TSPAN15: variants seen among roughly 807,000 people sequenced by gnomAD.
The protein encoded by TSPAN15 is tetraspanin 15.
TSPAN15 carries 20 observed loss-of-function variants against 34.5 expected under a neutral mutation model. That is an observed-to-expected ratio of 0.58 (90% CI 0.41 to 0.84). TSPAN15 has a LOEUF of 0.84. TSPAN15 is among the 40% of genes least tolerant of loss of function. The pLI is 0.00. For synonymous variants in TSPAN15, 155 were observed against 153.9 expected (o/e 1.01, Z -0.05); for missense variants, 313 against 386.1 (o/e 0.81, Z 1.59).
At chr10:69,483,418 T>C (rs900531903) in intron 1 of TSPAN15, among the ~76,000 whole-genome samples, 1 of 152,220 alleles carries the variant, frequency 6.6e-6, no homozygotes, top group African/African-American at 2.4e-5. Flanking sequence ...ACCAGTCATA[T>C]TGGATTAGGG....
rs993936996 is a variant in TSPAN15, at chr10:69,468,813, A to G, written c.97-14878A>G. On this transcript the variant is annotated intron_variant, in intron 1 of 7. Coordinates refer to ENST00000373290, the MANE Select transcript of TSPAN15 (RefSeq NM_012339.5). The stretch of plus-strand genomic sequence containing the variant: ...GAAATCAAACTTTTCAGTCCTATAT[A>G]CAGGCCACATTTCTTATGACATTCC... Among the ~76,000 whole-genome samples the G allele has an allele frequency of 5.3e-5, 8 of 152,170 alleles. No homozygotes were observed. The South Asian group carries it at 1.0e-3, about 20-fold the overall frequency.
the TSPAN15 span, among the ~76,000 whole-genome samples, chr10:69,521,355 C>A: frequency 4.8e-5 from 7 of 146,666 alleles, 1 homozygote; most frequent in Non-Finnish European, 9.0e-5. Flanking sequence ...ACTAAAAATA[C>A]AAAAATTAGC....
At chr10:69,523,325 G>A in the TSPAN15 span, 1 of 500,812 alleles carries the variant, frequency 2.0e-6, no homozygotes, top group Non-Finnish European at 3.6e-6. Context: ...GCCAAAGAAA[G>A]CCAGCCCAAG....
chr10:69,458,884 C>G (rs1006294115), intron 1 of TSPAN15, among the ~76,000 whole-genome samples: 2 of 152,134 alleles, frequency 1.3e-5, no homozygotes, highest in Non-Finnish European at 2.9e-5. Flanking sequence ...GACCTTGCTG[C>G]CTTTGGGTTG....
chr10:69,469,934 A>G (rs532892742), intron 1 of TSPAN15, among the ~76,000 whole-genome samples: 1 of 152,184 alleles, frequency 6.6e-6, no homozygotes, highest in East Asian at 1.9e-4. Context: ...TACGACACCC[A>G]GCTGGTCTCT....
At chr10:69,523,055 T>C in the TSPAN15 span, among the ~76,000 whole-genome samples, 1 of 148,100 alleles carries the variant, frequency 6.8e-6, no homozygotes, top group African/African-American at 2.5e-5. Flanking sequence ...GTTTTAGCTC[T>C]TACATTTAGG....
At chr10:69,465,266 A>T (rs1841359403) in intron 1 of TSPAN15, among the ~76,000 whole-genome samples, 1 of 152,168 alleles carries the variant, frequency 6.6e-6, no homozygotes, top group Non-Finnish European at 1.5e-5. Flanking sequence ...CTAGGTGGGT[A>T]GACTCATGTT....
At chr10:69,518,525 G>A in the TSPAN15 span, among the ~76,000 whole-genome samples, 3 of 152,330 alleles carry the variant, frequency 2.0e-5, no homozygotes, top group South Asian at 6.2e-4. Flanking sequence ...GTGGGTTCAA[G>A]CGATCCTTCT....
chr10:69,458,890 G>A (rs17490626), intron 1 of TSPAN15, among the ~76,000 whole-genome samples: 1 of 152,008 alleles, frequency 6.6e-6, no homozygotes, highest in Admixed American at 6.6e-5. Flanking sequence ...GCTGCCTTTG[G>A]GTTGGTTCCT....
At chr10:69,524,095 G>A in the TSPAN15 span, among the ~76,000 whole-genome samples, 2 of 148,188 alleles carry the variant, frequency 1.3e-5, 1 homozygote, top group African/African-American at 4.9e-5. Flanking sequence ...GGAAATAAAG[G>A]TTACACACAA....
chr10:69,467,745 C>A (rs550292381), intron 1 of TSPAN15, among the ~76,000 whole-genome samples: 47 of 152,026 alleles, frequency 3.1e-4, no homozygotes, highest in Admixed American at 5.9e-4. Context: ...TAGTTATAGC[C>A]ACAACACCAT....
chr10:69,458,923 G>C (rs1487637758), intron 1 of TSPAN15, among the ~76,000 whole-genome samples: 1 of 152,052 alleles, frequency 6.6e-6, no homozygotes, highest in Non-Finnish European at 1.5e-5. Context: ...ATAACCACCT[G>C]CCCTCCTGCC....
the TSPAN15 span, among the ~76,000 whole-genome samples, chr10:69,547,134 G>A: frequency 6.6e-6 from 1 of 152,010 alleles, no homozygotes; most frequent in Non-Finnish European, 1.5e-5. Flanking sequence ...CCTAGAAGAT[G>A]GAAGTTGCAG....
intron 5 of TSPAN15, 22 bp from the exon 6 acceptor site, chr10:69,504,416 C>A: frequency 6.2e-7 from 1 of 1,608,428 alleles, no homozygotes; most frequent in Middle Eastern, 1.7e-4. Flanking sequence ...TAAATATTAG[C>A]TATTATACAT....
rs1842329466 is a variant in TSPAN15, at chr10:69,506,464, C to T, written c.735+224C>T. The T allele has an allele frequency of 8.4e-6, 5 of 596,946 alleles. No individual in the cohort carries two copies. Among genetic ancestry groups the T allele is most frequent in the Admixed American group, 3.0e-5 (1 of 33,796 alleles). The allele number at this position is 596,946 out of a possible 1,614,324, so 37.0% of individuals were successfully genotyped here. A position where few individuals can be genotyped will look rare whatever the true frequency, so the allele number is the denominator to read the frequency against. Reference sequence around the variant, plus strand: ...TTCACTTCTTTTTGTGAGGGAGGCACTATTATAATGCCTATTTCACAGAGG... The same window carrying T: ...TTCACTTCTTTTTGTGAGGGAGGCATTATTATAATGCCTATTTCACAGAGG... On this transcript the variant is annotated intron_variant, in intron 7 of 7. Coordinates refer to ENST00000373290, the MANE Select transcript of TSPAN15 (RefSeq NM_012339.5). This position sits in a 1 kb window ranked among gnomAD's most constrained non-coding sequence, Gnocchi z 4.7.
At chr10:69,463,288 G>A (rs1184832988) in intron 1 of TSPAN15, among the ~76,000 whole-genome samples, 1 of 152,166 alleles carries the variant, frequency 6.6e-6, no homozygotes, top group Admixed American at 6.5e-5. Context: ...TGGAAAGCTG[G>A]CTGTGATCTC....
At position 69,455,094 on chromosome 10, in the gene TSPAN15, G is replaced by A. The variant is rs113641758; in HGVS notation, c.96+3404G>A. Among the ~76,000 whole-genome samples, 951 of 151,084 alleles carry A rather than the reference G, an allele frequency of 6.3e-3. 9 individuals are homozygous for A. Among genetic ancestry groups the A allele is most frequent in the South Asian group, 0.042 (198 of 4,742 alleles). ...GGAGAAACGCTAGAACCCGGGAAGCGGAGGTTGCAGTGAGCCTAGATAGCG... is the reference window on the plus strand; with the variant it reads ...GGAGAAACGCTAGAACCCGGGAAGCAGAGGTTGCAGTGAGCCTAGATAGCG... On this transcript the variant is annotated intron_variant, in intron 1 of 7. Coordinates refer to ENST00000373290, the MANE Select transcript of TSPAN15 (RefSeq NM_012339.5).
the TSPAN15 span, among the ~76,000 whole-genome samples, chr10:69,521,163 T>A: frequency 6.6e-6 from 1 of 152,296 alleles, no homozygotes; most frequent in Non-Finnish European, 1.5e-5. Flanking sequence ...GAAGATCTCC[T>A]TCCCCAGCGT....
chr10:69,463,947 G>A (rs766306859), intron 1 of TSPAN15, among the ~76,000 whole-genome samples: 1 of 152,226 alleles, frequency 6.6e-6, no homozygotes, highest in Non-Finnish European at 1.5e-5. Context: ...TGACCTGAGT[G>A]TGCCATAAAT....
Sources: gnomAD v4.1 joint callset for allele counts (sites outside exome capture counted in the v4.1 genomes callset) on GRCh38, gnomAD v4.1.1 for gene constraint, Gnocchi (gnomAD v3.1) non-coding constraint, MANE v1.5 for transcripts, NCBI Gene and HGNC (gene_info 2026-07-23, HGNC 2026-07-21) for gene names.